The following CDH23 variants were observed in gnomAD, a reference collection of about 807,000 sequenced individuals.
The protein encoded by CDH23 is cadherin related 23.
A neutral mutation model predicts 317.1 loss-of-function variants in CDH23; 189 were observed. The ratio of observed to expected loss-of-function variants is 0.60; its 90% CI spans 0.53 to 0.67. The LOEUF is 0.67. CDH23 is among the 30% of genes least tolerant of loss of function. The pLI is 0.00. For missense variants in CDH23, 4,401 were observed against 4,592.4 expected (o/e 0.96, Z 1.20); for synonymous variants, 1,839 against 1,876.8 (o/e 0.98, Z 0.52).
chr10:71,564,368 A>G (rs1462748569), intron 6 of CDH23, among the ~76,000 whole-genome samples: 1 of 152,174 alleles, frequency 6.6e-6, no homozygotes, highest in Admixed American at 6.5e-5. Context: ...TTTCTCTCCA[A>G]TAGTTTGTCC....
chr10:71,634,881 G>A (rs915064856), intron 11 of CDH23, among the ~76,000 whole-genome samples: 2 of 152,250 alleles, frequency 1.3e-5, no homozygotes, highest in Non-Finnish European at 2.9e-5. Flanking sequence ...TGATTGAGGG[G>A]AGCCTCACCC....
At position 71,563,311 on chromosome 10, in the gene CDH23, G is replaced by C. The variant is rs1857225304; in HGVS notation, c.430-3431G>C. 3.3e-5 allele frequency among the ~76,000 whole-genome samples: 5 copies of C among 152,246 alleles called. 1 individual carries two copies. In the South Asian group the frequency reaches 1.0e-3, roughly 32 times the overall value. Reference sequence around the variant, plus strand: ...TCCTGCATTCCAGCCATCCAGGGTGGTGTATGGTCAGGACTGGCTTCCTCG... The same window carrying C: ...TCCTGCATTCCAGCCATCCAGGGTGCTGTATGGTCAGGACTGGCTTCCTCG... On this transcript the variant is annotated intron_variant, in intron 6 of 69. Transcript: ENST00000224721.
intron 3 of CDH23, among the ~76,000 whole-genome samples, chr10:71,504,274 A>G (rs1027481063): frequency 3.3e-5 from 5 of 152,144 alleles, no homozygotes; most frequent in African/African-American, 1.2e-4. Context: ...GGATTACTCT[A>G]GGTACCTTAT....
intron 41 of CDH23, 102 bp from the exon 42 acceptor site, chr10:71,784,185 C>T (rs1841033780): frequency 2.2e-6 from 3 of 1,334,064 alleles, no homozygotes; most frequent in African/African-American, 1.5e-5. Context: ...TGTCCCCCAC[C>T]TGTGACGAGT....
At chr10:71,613,516 C>T (rs1312985105) in intron 9 of CDH23, among the ~76,000 whole-genome samples, 1 of 152,202 alleles carries the variant, frequency 6.6e-6, no homozygotes, top group Non-Finnish European at 1.5e-5. Context: ...CCAGCCCATA[C>T]AGTGGACTGG....
chr10:71,423,511 G>T (rs746886049), intron 1 of CDH23, among the ~76,000 whole-genome samples: 4 of 152,196 alleles, frequency 2.6e-5, no homozygotes, highest in African/African-American at 9.7e-5. Context: ...CACAGTTTAG[G>T]GGGAGGTTAG....
chr10:71,487,790 T>C (rs1852432140), intron 3 of CDH23, among the ~76,000 whole-genome samples: 1 of 152,200 alleles, frequency 6.6e-6, no homozygotes, highest in Non-Finnish European at 1.5e-5. Flanking sequence ...GACACCCTGG[T>C]GAGCCTTGGA....
chr10:71,751,974 A>C lies in CDH23; in HGVS notation c.4845+10053A>C. Reference sequence around the variant, plus strand: ...TCTCTCACCTACATCCCCATCCCCAAGCCTCAGCAGCATCTCCAAGCAAGA... The same window carrying C: ...TCTCTCACCTACATCCCCATCCCCACGCCTCAGCAGCATCTCCAAGCAAGA... On this transcript the variant is annotated intron_variant, in intron 38 of 69. Transcript: ENST00000224721. This position sits in a 1 kb window ranked among gnomAD's most constrained non-coding sequence, Gnocchi z 4.9. The C allele has an allele frequency of 8.7e-7, 1 of 1,143,314 alleles. No homozygotes were observed. Among genetic ancestry groups the C allele is most frequent in the Non-Finnish European group, 1.3e-6 (1 of 790,880 alleles). 70.8% of individuals were successfully genotyped at this position (1,143,314 alleles called of 1,614,324 possible). A position where few individuals can be genotyped will look rare whatever the true frequency, so the allele number is the denominator to read the frequency against.
intron 38 of CDH23, among the ~76,000 whole-genome samples, chr10:71,760,314 C>CACACAT (rs1417602987): frequency 1.2e-5 from 1 of 82,418 alleles, no homozygotes; most frequent in African/African-American, 3.5e-5. Context: ...TATACACACA[C>CACACAT]ATATATATAT....
chr10:71,755,389 A>C (rs771618871), intron 38 of CDH23: 4 of 1,613,268 alleles, frequency 2.5e-6, no homozygotes, highest in Non-Finnish European at 2.5e-6. Flanking sequence ...CTTTGCTTGT[A>C]GACCAGGAGC....
At chr10:71,568,251 T>A (rs1857523526) in intron 7 of CDH23, among the ~76,000 whole-genome samples, 2 of 152,174 alleles carry the variant, frequency 1.3e-5, no homozygotes, top group Non-Finnish European at 2.9e-5. Flanking sequence ...ACCTCAGAGG[T>A]CAAGGGGACA....
intron 3 of CDH23, among the ~76,000 whole-genome samples, chr10:71,460,644 A>G (rs1850931406): frequency 6.6e-6 from 1 of 152,192 alleles, no homozygotes; most frequent in East Asian, 1.9e-4. Flanking sequence ...TGGAGTGAGC[A>G]GTCCGACAGG....
chr10:71,529,082 C>A (rs1855210599), intron 6 of CDH23, among the ~76,000 whole-genome samples: 1 of 152,198 alleles, frequency 6.6e-6, no homozygotes, highest in African/African-American at 2.4e-5. Flanking sequence ...CCAGTGTTTT[C>A]TCAGCCGTAT....
chr10:71,556,078 C>T (rs1199124307), intron 6 of CDH23, among the ~76,000 whole-genome samples: 3 of 152,172 alleles, frequency 2.0e-5, no homozygotes, highest in African/African-American at 7.2e-5. Context: ...TGGAAGGGGA[C>T]CACACTTTGG....
At chr10:71,500,585 G>T (rs115456795) in intron 3 of CDH23, among the ~76,000 whole-genome samples, 10 of 152,164 alleles carry the variant, frequency 6.6e-5, no homozygotes, top group Non-Finnish European at 1.3e-4. Context: ...CCTGGAGGCC[G>T]CCCCCATGGG....
chr10:71,608,253 G>A (rs1431513085), intron 9 of CDH23, among the ~76,000 whole-genome samples: 1 of 152,184 alleles, frequency 6.6e-6, no homozygotes, highest in African/African-American at 2.4e-5. Flanking sequence ...GAGACCATTG[G>A]AAGGAATGGA....
At chr10:71,622,553 C>G (rs184171866) in intron 11 of CDH23, among the ~76,000 whole-genome samples, 70 of 152,272 alleles carry the variant, frequency 4.6e-4, no homozygotes, top group African/African-American at 1.6e-3. Flanking sequence ...ACCATCCACA[C>G]CTCTGGGTGC....
chr10:71,598,076 C>T (rs1227705704), intron 9 of CDH23, among the ~76,000 whole-genome samples: 6 of 152,248 alleles, frequency 3.9e-5, no homozygotes, highest in African/African-American at 1.2e-4. Flanking sequence ...CATGGTGGGG[C>T]TGGCTCCTTC....
At chr10:71,618,998 G>A (rs1270948799) in intron 11 of CDH23, among the ~76,000 whole-genome samples, 1 of 152,108 alleles carries the variant, frequency 6.6e-6, no homozygotes, top group Admixed American at 6.5e-5. Flanking sequence ...ATGGTCCTAG[G>A]AGTCAACAGT....
Sources: allele counts gnomAD v4.1 joint callset (sites outside exome capture counted in the v4.1 genomes callset), GRCh38; gene constraint gnomAD v4.1.1; non-coding constraint Gnocchi (gnomAD v3.1); transcripts MANE v1.5; gene names NCBI Gene and HGNC (gene_info 2026-07-23, HGNC 2026-07-21).